Variants in AKR1C3 observed in about 807,000 individuals in gnomAD.
The protein encoded by AKR1C3 is 3-alpha hydroxysteroid dehydrogenase, type II.
In AKR1C3, 48 loss-of-function variants were observed where a neutral mutation model predicts 43.6. The observed-to-expected ratio is 1.10, with a 90% confidence interval of 0.87 to 1.40. The LOEUF is 1.40. AKR1C3 is among the 40% of genes most tolerant of loss of function. AKR1C3 has a pLI of 0.00. For synonymous variants in AKR1C3, 162 were observed against 139.6 expected (o/e 1.16, Z -1.13); for missense variants, 482 against 391.2 (o/e 1.23, Z -1.96).
intron 1 of AKR1C3, among the ~76,000 whole-genome samples, chr10:5,076,813 C>T (rs1404326064): frequency 6.6e-6 from 1 of 152,172 alleles, no homozygotes; most frequent in African/African-American, 2.4e-5. Flanking sequence ...ACATGCTACG[C>T]CATTACCCAG....
chr10:5,086,621 T>C (rs2131824794), intron 1 of AKR1C3, among the ~76,000 whole-genome samples: 1 of 152,132 alleles, frequency 6.6e-6, no homozygotes, highest in East Asian at 1.9e-4. Flanking sequence ...GTTCAATTCC[T>C]GGGTATCCTT....
Position 5,094,418 on chromosome 10 carries a change from A to G in AKR1C3, c.-27A>G. The G allele has an allele frequency of 6.2e-7, 1 of 1,611,050 alleles. No homozygotes were observed. The highest frequency in any genetic ancestry group is 8.5e-7 in the Non-Finnish European group (1 of 1,177,802). ...TCTCTGAGGAGAAGCAGCAGCAAAC[A>G]TTTGCTAGTCAGACAAGTGACAGGG... On this transcript the variant is annotated 5_prime_UTR_variant, in exon 1 of 9. Coordinates refer to ENST00000380554, the MANE Select transcript of AKR1C3 (RefSeq NM_003739.6).
At chr10:5,066,408 T>C (rs2131796347) in intron 1 of AKR1C3, among the ~76,000 whole-genome samples, 1 of 152,338 alleles carries the variant, frequency 6.6e-6, no homozygotes, top group East Asian at 1.9e-4. Flanking sequence ...TACCATCATT[T>C]TGGGTTTCCC....
Position 5,049,108 on chromosome 10 carries a change from G to T in AKR1C3, c.84+213G>T, listed in dbSNP as rs555040023. 5.6e-3 allele frequency among the ~76,000 whole-genome samples: 592 copies of T among 105,358 alleles called. 5 individuals are homozygous for T. The highest frequency in any genetic ancestry group is 0.025 in the African/African-American group (575 of 22,696). 69.1% of individuals were successfully genotyped at this position (105,358 alleles called of 152,430 possible). On this transcript the variant is annotated intron_variant, in intron 1 of 8. Coordinates refer to the AKR1C3 transcript ENST00000439082. ...TTGCATGGTCATCTACTGTTTATTT[G>T]GGGCACTGTTTTTTTTCTTCTATTT...
chr10:5,096,131 T>G (rs1554785073), intron 1 of AKR1C3: 1 of 300,278 alleles, frequency 3.3e-6, no homozygotes, highest in African/African-American at 2.2e-5. Flanking sequence ...TTAGGACTAT[T>G]TCAGTCATGT....
chr10:5,083,618 G>A (rs1259364138), intron 1 of AKR1C3, among the ~76,000 whole-genome samples: 4 of 152,098 alleles, frequency 2.6e-5, no homozygotes, highest in African/African-American at 9.7e-5. Flanking sequence ...GGGTCAAATG[G>A]TATTTCTAGT....
intron 1 of AKR1C3, among the ~76,000 whole-genome samples, chr10:5,056,211 T>C (rs1838258335): frequency 6.6e-6 from 1 of 152,094 alleles, no homozygotes; most frequent in Admixed American, 6.6e-5. Flanking sequence ...ATGAGGGCTA[T>C]CCCTAAACCC....
intron 7 of AKR1C3, among the ~76,000 whole-genome samples, chr10:5,103,930 T>C (rs1839425097): frequency 6.6e-6 from 1 of 152,028 alleles, no homozygotes; most frequent in Non-Finnish European, 1.5e-5. Flanking sequence ...TTAATATATA[T>C]GATAGATTGA....
intron 1 of AKR1C3, among the ~76,000 whole-genome samples, chr10:5,083,545 C>A (rs1554782637): frequency 1.3e-5 from 2 of 152,116 alleles, no homozygotes; most frequent in Non-Finnish European, 2.9e-5. Flanking sequence ...CATACGTGTG[C>A]ATGTGTCTTT....
intron 1 of AKR1C3, among the ~76,000 whole-genome samples, chr10:5,070,490 G>T (rs1838595694): frequency 6.6e-6 from 1 of 152,212 alleles, no homozygotes; most frequent in African/African-American, 2.4e-5. Flanking sequence ...GATTTTCACT[G>T]GTTGCCTGGT....
intron 3 of AKR1C3, 47 bp downstream of exon 3, chr10:5,097,597 A>C (rs1554785357): frequency 1.9e-6 from 3 of 1,611,206 alleles, no homozygotes; most frequent in Middle Eastern, 3.3e-4. Flanking sequence ...CTGTCATTAT[A>C]AACATTGTTT....
chr10:5,056,138 A>C (rs1374764758), intron 1 of AKR1C3, among the ~76,000 whole-genome samples: 2 of 152,136 alleles, frequency 1.3e-5, no homozygotes, highest in Non-Finnish European at 2.9e-5. Context: ...CCACATATTG[A>C]AGGACCAGAG....
At chr10:5,099,259 C>G in intron 4 of AKR1C3, 68 bp from the exon 5 acceptor site, 3 of 1,604,620 alleles carry the variant, frequency 1.9e-6, no homozygotes, top group Admixed American at 1.7e-5. Flanking sequence ...TCTCACAGTT[C>G]TGTCTTGCAT....
In AKR1C3 at chr10:5,099,427, A is replaced by T. The variant is rs61730879; in HGVS notation, c.548A>T (p.Lys183Met). ...ATGATCCTCAACAAGCCAGGACTCA[A>T]GTACAAGCCTGTCTGCAACCAGGTG... ...LEMILNKPGL[K>M]YKPVCNQVEC... The change falls in exon 5 of 9, where the codon AAG becomes ATG. Residue 183 changes from lysine to methionine, a missense_variant. Lys to Met is a moderately conservative substitution (Grantham distance 95, BLOSUM62 -1). Coordinates refer to ENST00000380554, the MANE Select transcript of AKR1C3 (RefSeq NM_003739.6). 1,012 of 1,614,206 alleles carry T rather than the reference A, an allele frequency of 6.3e-4. 5 individuals carry two copies. In the African/African-American group the frequency reaches 0.01, roughly 16 times the overall value.
In AKR1C3 at chr10:5,094,432, C is replaced by G. The variant is rs1554784821; in HGVS notation, c.-13C>G. 4 of 1,607,360 alleles carry G rather than the reference C, an allele frequency of 2.5e-6. No individual in the cohort carries two copies. Among genetic ancestry groups the G allele is most frequent in the East Asian group, 2.2e-5 (1 of 44,712 alleles). On this transcript the variant is annotated 5_prime_UTR_variant, in exon 1 of 9. Transcript: ENST00000380554. ...CAGCAGCAAACATTTGCTAGTCAGA[C>G]AAGTGACAGGGAATGGATTCCAAAC...
intron 8 of AKR1C3, among the ~76,000 whole-genome samples, chr10:5,105,940 G>T (rs34335319): frequency 6.6e-6 from 1 of 152,164 alleles, no homozygotes; most frequent in Non-Finnish European, 1.5e-5. Context: ...AAGTCTGCAC[G>T]TTCCATATAG....
chr10:5,095,429 C>T (rs1230155602), intron 1 of AKR1C3, among the ~76,000 whole-genome samples: 1 of 151,304 alleles, frequency 6.6e-6, no homozygotes, highest in Admixed American at 6.6e-5. Flanking sequence ...AAGCTCCAGC[C>T]TTGGTAAACC....
chr10:5,075,955 AC>A (rs1218233125), intron 1 of AKR1C3, among the ~76,000 whole-genome samples: 1 of 151,316 alleles, frequency 6.6e-6, no homozygotes, highest in Non-Finnish European at 1.5e-5. Flanking sequence ...ATGGAGGGGC[AC>A]AGGTTGCTGG....
upstream of AKR1C3, among the ~76,000 whole-genome samples, chr10:5,091,159 C>A (rs1308898519): frequency 6.6e-6 from 1 of 151,496 alleles, no homozygotes; most frequent in Non-Finnish European, 1.5e-5. Flanking sequence ...TTTGTGATGA[C>A]AGTAAAAACA....
Sources: allele counts gnomAD v4.1 joint callset (sites outside exome capture counted in the v4.1 genomes callset), GRCh38; gene constraint gnomAD v4.1.1; transcripts MANE v1.5; gene names NCBI Gene and HGNC (gene_info 2026-07-23, HGNC 2026-07-21).